The following CLSTN2 variants were observed in gnomAD, a reference collection of about 807,000 sequenced individuals.
CLSTN2 encodes calsyntenin 2, also known as calsyntenin-2.
A neutral mutation model predicts 101.2 loss-of-function variants in CLSTN2; 48 were observed. The observed-to-expected ratio is 0.47, with a 90% CI of 0.38 to 0.60. CLSTN2 has a LOEUF of 0.60. Ranked by LOEUF, CLSTN2 falls within the 20% of genes least tolerant of loss-of-function variation. The pLI is 0.00. For synonymous variants in CLSTN2, 481 were observed against 463.6 expected (o/e 1.04, Z -0.48); for missense variants, 1,160 against 1,238.2 (o/e 0.94, Z 0.95).
chr3:140,052,261 C>T (rs1453905496), intron 1 of CLSTN2, among the ~76,000 whole-genome samples: 3 of 152,134 alleles, frequency 2.0e-5, no homozygotes, highest in Non-Finnish European at 4.4e-5. Flanking sequence ...TGGGTTCAAG[C>T]GATTCTTCTG....
intron 1 of CLSTN2, among the ~76,000 whole-genome samples, chr3:140,081,723 G>T (rs181278225): frequency 2.0e-5 from 3 of 151,932 alleles, no homozygotes; most frequent in South Asian, 2.1e-4. Flanking sequence ...ACACCGCAAA[G>T]CCTCTGTCCA....
chr3:140,369,417 G>T (rs1164160770), intron 2 of CLSTN2, among the ~76,000 whole-genome samples: 1 of 152,106 alleles, frequency 6.6e-6, no homozygotes, highest in African/African-American at 2.4e-5. Flanking sequence ...GAGCTTTCCT[G>T]CCCCTAACAT....
At chr3:140,332,702 T>C (rs1313720957) in intron 2 of CLSTN2, among the ~76,000 whole-genome samples, 3 of 106,974 alleles carry the variant, frequency 2.8e-5, no homozygotes, top group Non-Finnish European at 6.8e-5. Flanking sequence ...TTTTCTTTTC[T>C]GGCAAAAAAA....
intron 1 of CLSTN2, among the ~76,000 whole-genome samples, chr3:139,971,580 C>T (rs1935704918): frequency 6.6e-6 from 1 of 152,266 alleles, no homozygotes; most frequent in Admixed American, 6.5e-5. Context: ...AGCGGTTCCC[C>T]AAGCAGGAAC....
chr3:139,982,877 A>C (rs1284111423), intron 1 of CLSTN2, among the ~76,000 whole-genome samples: 1 of 151,966 alleles, frequency 6.6e-6, no homozygotes, highest in Non-Finnish European at 1.5e-5. Flanking sequence ...ATATATAGAG[A>C]GAGACCATAT....
intron 1 of CLSTN2, among the ~76,000 whole-genome samples, chr3:140,034,281 G>C (rs189425466): frequency 1.3e-5 from 2 of 152,210 alleles, no homozygotes; most frequent in African/African-American, 4.8e-5. Flanking sequence ...TTTTCAGAGA[G>C]GGAGTCTATG....
intron 2 of CLSTN2, among the ~76,000 whole-genome samples, chr3:140,374,149 C>G (rs1408398341): frequency 6.6e-6 from 1 of 152,230 alleles, no homozygotes; most frequent in Non-Finnish European, 1.5e-5. Flanking sequence ...ATTCCACAAA[C>G]TCCTTCCCAC....
chr3:139,935,634 A>G lies in CLSTN2; in HGVS notation c.109+151A>G. ...CTGTGCGCCCTGGATTCCCGAAGTC[A>G]GTTCCCTGCGCAGCGGACCAGAGAG... On this transcript the variant is annotated intron_variant, in intron 1 of 16. Coordinates refer to ENST00000458420, the MANE Select transcript of CLSTN2 (RefSeq NM_022131.3). This position sits in a 1 kb window ranked among gnomAD's most constrained non-coding sequence, Gnocchi z 5.5. 2.4e-6 allele frequency: 1 copy of G among 413,214 alleles called. No homozygotes were observed. Among genetic ancestry groups the G allele is most frequent in the East Asian group, 3.6e-5 (1 of 27,628 alleles). The allele number at this position is 413,214 out of a possible 1,614,324, so 25.6% of individuals were successfully genotyped here. A position where few individuals can be genotyped will look rare whatever the true frequency, so the allele number is the denominator to read the frequency against.
intron 1 of CLSTN2, among the ~76,000 whole-genome samples, chr3:140,051,817 G>C (rs971461131): frequency 3.3e-5 from 5 of 152,196 alleles, no homozygotes; most frequent in African/African-American, 1.2e-4. Context: ...CAGCCACAAA[G>C]CACTACACCT....
chr3:139,973,457 T>C (rs1262748659), intron 1 of CLSTN2, among the ~76,000 whole-genome samples: 1 of 152,110 alleles, frequency 6.6e-6, no homozygotes, highest in Admixed American at 6.5e-5. Flanking sequence ...AAAGATAAGA[T>C]GTTAGGAACT....
chr3:140,221,123 C>G (rs962112269), intron 2 of CLSTN2, among the ~76,000 whole-genome samples: 1 of 152,156 alleles, frequency 6.6e-6, no homozygotes, highest in Admixed American at 6.5e-5. Flanking sequence ...GCTCAGGGGA[C>G]CCTGGTAGAG....
intron 1 of CLSTN2, among the ~76,000 whole-genome samples, chr3:140,006,608 G>A (rs1173514674): frequency 6.6e-6 from 1 of 152,182 alleles, no homozygotes; most frequent in African/African-American, 2.4e-5. Context: ...GTATTTCCTA[G>A]TCAAGCATGG....
At chr3:139,956,949 C>T (rs1935417233) in intron 1 of CLSTN2, among the ~76,000 whole-genome samples, 1 of 152,186 alleles carries the variant, frequency 6.6e-6, no homozygotes, top group African/African-American at 2.4e-5. Context: ...CTGGGCTTAG[C>T]AGGCTGCTTA....
At chr3:140,318,080 A>G (rs2087245830) in intron 2 of CLSTN2, among the ~76,000 whole-genome samples, 1 of 152,204 alleles carries the variant, frequency 6.6e-6, no homozygotes, top group Non-Finnish European at 1.5e-5. Flanking sequence ...AAATTAGGTG[A>G]CATGTCCAAA....
intron 5 of CLSTN2, among the ~76,000 whole-genome samples, chr3:140,444,518 C>T (rs1399493734): frequency 6.6e-6 from 1 of 152,142 alleles, no homozygotes; most frequent in African/African-American, 2.4e-5. Context: ...GATACACTCC[C>T]CCACTGGGTC....
intron 1 of CLSTN2, among the ~76,000 whole-genome samples, chr3:139,983,917 A>T (rs1274825701): frequency 6.6e-6 from 1 of 152,200 alleles, no homozygotes. Context: ...TAAATATATA[A>T]GGCTATATTA....
intron 2 of CLSTN2, among the ~76,000 whole-genome samples, chr3:140,347,376 A>G (rs1188268586): frequency 1.3e-5 from 2 of 152,202 alleles, no homozygotes; most frequent in Non-Finnish European, 2.9e-5. Flanking sequence ...TTGTTTAATG[A>G]CTGTTAACAA....
At chr3:140,483,885 C>T (rs1934182545) in intron 8 of CLSTN2, among the ~76,000 whole-genome samples, 1 of 152,298 alleles carries the variant, frequency 6.6e-6, no homozygotes, top group Admixed American at 6.5e-5. Flanking sequence ...TTCCTGAATA[C>T]AGCACACTGA....
intron 2 of CLSTN2, among the ~76,000 whole-genome samples, chr3:140,320,583 T>C (rs1015112631): frequency 1.4e-5 from 2 of 147,648 alleles, no homozygotes; most frequent in Non-Finnish European, 3.0e-5. Context: ...GTAATGCCCA[T>C]GCTTCCATTG....
Sources: gnomAD v4.1 joint callset for allele counts (sites outside exome capture counted in the v4.1 genomes callset) on GRCh38, gnomAD v4.1.1 for gene constraint, Gnocchi (gnomAD v3.1) non-coding constraint, MANE v1.5 for transcripts, NCBI Gene and HGNC (gene_info 2026-07-23, HGNC 2026-07-21) for gene names.